Variants in KCTD16 observed in about 807,000 individuals in gnomAD.
KCTD16 encodes BTB/POZ domain-containing protein KCTD16.
KCTD16 carries 13 observed loss-of-function variants against 33.2 expected under a neutral mutation model. The ratio of observed to expected loss-of-function variants is 0.39; its 90% CI spans 0.25 to 0.62. The LOEUF is 0.62. Among genes scored for constraint, KCTD16 ranks in the 20% least tolerant of loss-of-function variants. KCTD16 has a pLI of 0.50. For synonymous variants in KCTD16, 197 were observed against 195.3 expected (o/e 1.01, Z -0.07); for missense variants, 441 against 525.1 (o/e 0.84, Z 1.57).
At chr5:144,440,246 G>GA (rs1449961379) in intron 3 of KCTD16, among the ~76,000 whole-genome samples, 1 of 152,156 alleles carries the variant, frequency 6.6e-6, no homozygotes, top group African/African-American at 2.4e-5. Flanking sequence ...CAGGCTGTTT[G>GA]AACTATGGAG....
chr5:144,425,370 T>C (rs962561250), intron 3 of KCTD16, among the ~76,000 whole-genome samples: 1 of 151,794 alleles, frequency 6.6e-6, no homozygotes, highest in African/African-American at 2.4e-5. Flanking sequence ...CCAGCAGCTC[T>C]CTCAGGTTGG....
chr5:144,263,673 G>T (rs1755069563), intron 3 of KCTD16, among the ~76,000 whole-genome samples: 1 of 152,212 alleles, frequency 6.6e-6, no homozygotes, highest in Non-Finnish European at 1.5e-5. Context: ...TGAAGGTCAT[G>T]TACAAATGAC....
chr5:144,386,290 C>T (rs1752322426), intron 3 of KCTD16, among the ~76,000 whole-genome samples: 1 of 152,154 alleles, frequency 6.6e-6, no homozygotes, highest in Admixed American at 6.5e-5. Context: ...ACTAAAGCAT[C>T]CCAGTTGCAC....
intron 3 of KCTD16, among the ~76,000 whole-genome samples, chr5:144,219,678 G>T (rs533250483): frequency 9.9e-5 from 15 of 151,726 alleles, no homozygotes; most frequent in Non-Finnish European, 2.1e-4. Flanking sequence ...CCAACACTGC[G>T]CCTGGCTAAT....
At chr5:144,211,950 G>C (rs1015333376) in intron 3 of KCTD16, among the ~76,000 whole-genome samples, 3 of 152,072 alleles carry the variant, frequency 2.0e-5, no homozygotes, top group Non-Finnish European at 4.4e-5. Context: ...GAAAAATTCT[G>C]CTCTGTCATT....
chr5:144,185,523 T>TA (rs1045294858), intron 2 of KCTD16, among the ~76,000 whole-genome samples: 6 of 152,106 alleles, frequency 3.9e-5, no homozygotes, highest in African/African-American at 1.4e-4. Context: ...ATTGCTGTAA[T>TA]AAAAATGGTG....
At chr5:144,240,461 C>T (rs530083002) in intron 3 of KCTD16, among the ~76,000 whole-genome samples, 1 of 152,100 alleles carries the variant, frequency 6.6e-6, no homozygotes, top group Non-Finnish European at 1.5e-5. Flanking sequence ...TACAGAGTCC[C>T]TGTATTACCC....
In KCTD16 at chr5:144,207,380, C is replaced by A; in HGVS notation, c.666C>A (p.Tyr222Ter). Residue 222 changes from tyrosine to a stop codon, truncating the protein, a stop_gained, in exon 3 of 4, where the codon TAC (tyrosine) becomes TAA (stop). Transcript: ENST00000512467. LOFTEE classifies it high-confidence loss of function. ...ACCCTGATCGAGCCCCAGAAAGATA[C>A]ACCTCCAGATTTTATCTCAAATTCA... Reference protein sequence around the residue: ...SRDPDRAPERYTSRFYLKFKH... With the variant: ...SRDPDRAPER The A allele has an allele frequency of 6.2e-7, 1 of 1,614,196 alleles. No homozygotes were observed. The highest frequency in any genetic ancestry group is 8.5e-7 in the Non-Finnish European group (1 of 1,180,044).
At chr5:144,189,740 T>TAAAC (rs1353317527) in intron 2 of KCTD16, among the ~76,000 whole-genome samples, 3 of 152,210 alleles carry the variant, frequency 2.0e-5, no homozygotes, top group Admixed American at 2.0e-4. Flanking sequence ...TCAGGTGGTT[T>TAAAC]GCCAGCATTT....
chr5:144,476,393 T>C lies in KCTD16; in HGVS notation c.*2279T>C, dbSNP rs1443305519. The C allele has an allele frequency of 1.3e-5, 2 of 152,194 alleles. No homozygotes were observed. The highest frequency in any genetic ancestry group is 2.9e-5 in the Non-Finnish European group (2 of 68,046). The allele number at this position is 152,194 out of a possible 1,614,324, so 9.4% of individuals were successfully genotyped here. ...AAGATGATAGTCAACCCAATATTTC[T>C]ACTACATTCTTTAAACAGGAAATTA... On this transcript the variant is annotated 3_prime_UTR_variant, in exon 4 of 4. Transcript: ENST00000512467.
chr5:144,365,460 C>G (rs993576743), intron 3 of KCTD16, among the ~76,000 whole-genome samples: 2 of 152,118 alleles, frequency 1.3e-5, no homozygotes, highest in African/African-American at 4.8e-5. Context: ...CGGTTGTAAA[C>G]TAATTAAGCA....
chr5:144,261,930 C>G (rs1388768640), intron 3 of KCTD16, among the ~76,000 whole-genome samples: 1 of 152,122 alleles, frequency 6.6e-6, no homozygotes, highest in East Asian at 1.9e-4. Context: ...ACTTCACATA[C>G]TTATTTTCTC....
intron 3 of KCTD16, among the ~76,000 whole-genome samples, chr5:144,282,084 T>C (rs896976882): frequency 1.1e-4 from 16 of 152,306 alleles, no homozygotes; most frequent in Admixed American, 8.5e-4. Flanking sequence ...AGATAACTGG[T>C]GGATAGTGGC....
intron 2 of KCTD16, among the ~76,000 whole-genome samples, chr5:144,199,854 A>G (rs562229902): frequency 1.3e-5 from 2 of 151,750 alleles, no homozygotes; most frequent in African/African-American, 4.8e-5. Flanking sequence ...AGCTGGGACT[A>G]CAAGTGCGTA....
intron 3 of KCTD16, among the ~76,000 whole-genome samples, chr5:144,461,482 A>C (rs1754194367): frequency 6.6e-6 from 1 of 152,120 alleles, no homozygotes; most frequent in Non-Finnish European, 1.5e-5. Context: ...CTACCTCCTG[A>C]GTGCTGTGGA....
chr5:144,383,014 A>G (rs1752249435), intron 3 of KCTD16: 1 of 152,168 alleles, frequency 6.6e-6, no homozygotes, highest in African/African-American at 2.4e-5. Context: ...CTCTGGCAAA[A>G]TAGTTTTGGC....
chr5:144,396,669 G>A (rs1420504818), intron 3 of KCTD16, among the ~76,000 whole-genome samples: 1 of 151,918 alleles, frequency 6.6e-6, no homozygotes, highest in Non-Finnish European at 1.5e-5. Context: ...CACCTCTCAA[G>A]TCCACATCAG....
chr5:144,201,395 C>T (rs1007484236), intron 2 of KCTD16, among the ~76,000 whole-genome samples: 4 of 152,174 alleles, frequency 2.6e-5, no homozygotes, highest in Admixed American at 6.5e-5. Flanking sequence ...CCTGAATTTT[C>T]ATACTGGAAA....
At chr5:144,219,513 CTTTTT>C (rs59442398) in intron 3 of KCTD16, among the ~76,000 whole-genome samples, 5 of 77,126 alleles carry the variant, frequency 6.5e-5, no homozygotes, top group South Asian at 4.6e-4. Context: ...TGTGCTGGGC[CTTTTT>C]TTTTTTTTTT....
Sources: gnomAD v4.1 joint callset for allele counts (sites outside exome capture counted in the v4.1 genomes callset) on GRCh38, gnomAD v4.1.1 for gene constraint, MANE v1.5 for transcripts, NCBI Gene and HGNC (gene_info 2026-07-23, HGNC 2026-07-21) for gene names.